The following SIPA1L3 variants were observed in gnomAD, a reference collection of about 807,000 sequenced individuals.
SIPA1L3 encodes the protein signal induced proliferation associated 1 like 3.
A neutral mutation model predicts 150.1 loss-of-function variants in SIPA1L3; 59 were observed. The ratio of observed to expected loss-of-function variants is 0.39; its 90% CI spans 0.32 to 0.49. SIPA1L3 has a LOEUF of 0.49. Among genes scored for constraint, SIPA1L3 ranks in the 20% least tolerant of loss-of-function variants. The pLI, the probability that SIPA1L3 is intolerant of heterozygous loss-of-function variation, is 0.86. For missense variants in SIPA1L3, 2,211 were observed against 2,489.5 expected, an observed-to-expected ratio of 0.89 and a Z score of 2.38; for synonymous variants, 1,070 against 1,077.6, an observed-to-expected ratio of 0.99 and a Z score of 0.14.
chr19:38,084,155 A>G lies in SIPA1L3; in HGVS notation c.1534+1056A>G, dbSNP rs902802948. ...ATGGTCAGCCTTAGTGCATGGCATGATCCCCCACTGCTCCACACCAAGATG... is the reference window on the plus strand; with the variant it reads ...ATGGTCAGCCTTAGTGCATGGCATGGTCCCCCACTGCTCCACACCAAGATG... On this transcript the variant is annotated intron_variant, in intron 3 of 21. Coordinates refer to ENST00000222345, the MANE Select transcript of SIPA1L3 (RefSeq NM_015073.3). Among the ~76,000 whole-genome samples the G allele has an allele frequency of 2.0e-5, 3 of 152,070 alleles. No homozygotes were observed. The East Asian group carries it at 5.8e-4, about 29-fold the overall frequency.
intron 1 of SIPA1L3, among the ~76,000 whole-genome samples, chr19:37,939,744 G>A (rs2046636061): frequency 6.6e-6 from 1 of 152,234 alleles, no homozygotes; most frequent in Non-Finnish European, 1.5e-5. Flanking sequence ...GGGAACCTGG[G>A]AAATGTAGTT....
At chr19:38,160,768 ACT>A (rs1339305467) in intron 13 of SIPA1L3, among the ~76,000 whole-genome samples, 3 of 152,210 alleles carry the variant, frequency 2.0e-5, no homozygotes, top group Middle Eastern at 3.4e-3. Context: ...CACCAGTAGC[ACT>A]CTCTGTCCCA....
chr19:37,922,737 C>T (rs1331534949), intron 1 of SIPA1L3, among the ~76,000 whole-genome samples: 1 of 151,936 alleles, frequency 6.6e-6, no homozygotes, highest in South Asian at 2.1e-4. Context: ...GAGCACTGTT[C>T]TAGATACCAG....
chr19:38,101,241 G>A lies in SIPA1L3; in HGVS notation c.2029+15G>A, dbSNP rs1452283880. The A allele has an allele frequency of 2.7e-6, 4 of 1,505,586 alleles. No individual in the cohort carries two copies. The highest frequency in any genetic ancestry group is 2.2e-5 in the Admixed American group (1 of 45,556). The allele number at this position is 1,505,586 out of a possible 1,614,324, so 93.3% of individuals were successfully genotyped here. On this transcript the variant is annotated intron_variant, in intron 6 of 21. Transcript: ENST00000222345. ...GGACGTCAAGAGTAAGTAGGGGGCC[G>A]GTTAGATCACAGTGAGCCACCACTG... is the stretch of plus-strand genomic sequence containing the variant.
At chr19:37,918,365 C>G (rs1372136606) in intron 1 of SIPA1L3, among the ~76,000 whole-genome samples, 2 of 151,734 alleles carry the variant, frequency 1.3e-5, no homozygotes, top group East Asian at 4.0e-4. Context: ...GTTCAAGTGA[C>G]TCTCCTGCCT....
intron 1 of SIPA1L3, among the ~76,000 whole-genome samples, chr19:37,938,747 C>G (rs1010359190): frequency 4.6e-5 from 7 of 151,508 alleles, no homozygotes; most frequent in Non-Finnish European, 7.4e-5. Context: ...CTCAGCCTCA[C>G]GAGTAGTTGG....
At chr19:38,197,844 C>T (rs1469214632) in intron 18 of SIPA1L3, among the ~76,000 whole-genome samples, 1 of 151,978 alleles carries the variant, frequency 6.6e-6, no homozygotes, top group Admixed American at 6.6e-5. Flanking sequence ...ATGGTTACAG[C>T]TCCTACCTGC....
intron 1 of SIPA1L3, among the ~76,000 whole-genome samples, chr19:37,954,652 C>T (rs188562600): frequency 4.6e-5 from 7 of 152,232 alleles, no homozygotes; most frequent in Admixed American, 2.6e-4. Flanking sequence ...CACATCCAAG[C>T]GTGAAGCCTC....
rs770442978 is a variant in SIPA1L3 at position 38,110,287 on chromosome 19, G to A, written c.2194G>A (p.Ala732Thr). The A allele has an allele frequency of 1.2e-5, 20 of 1,613,990 alleles. No homozygotes were observed. Among genetic ancestry groups the A allele is most frequent in the Non-Finnish European group, 1.6e-5 (19 of 1,180,020 alleles). The change falls in exon 8 of 22, where the codon GCG becomes ACG. Residue 732 changes from alanine (A) to threonine (T), a missense_variant. Ala to Thr is a moderately conservative substitution (Grantham distance 58, BLOSUM62 0). Transcript: ENST00000222345. ...IVTIIFQEPGALPFTPKNIRS... is the reference protein window; with the variant it reads ...IVTIIFQEPGTLPFTPKNIRS... ...GACGATCATCTTCCAGGAGCCTGGC[G>A]CGCTACCGTTCACCCCCAAGAACAT...
At chr19:37,942,533 G>C (rs1338023061) in intron 1 of SIPA1L3, among the ~76,000 whole-genome samples, 1 of 137,804 alleles carries the variant, frequency 7.3e-6, no homozygotes, top group African/African-American at 2.7e-5. Flanking sequence ...GGGTGGGAAG[G>C]AGGGGGAGGG....
At chr19:38,096,609 T>C (rs550784504) in intron 4 of SIPA1L3, among the ~76,000 whole-genome samples, 78 of 152,140 alleles carry the variant, frequency 5.1e-4, no homozygotes, top group African/African-American at 1.8e-3. Flanking sequence ...ACAAGCCCCC[T>C]GGAGAGGGAT....
intron 20 of SIPA1L3, 63 bp from the exon 21 acceptor site, chr19:38,204,064 G>A (rs1200449721): frequency 7.4e-7 from 1 of 1,354,420 alleles, no homozygotes; most frequent in Non-Finnish European, 1.0e-6. Flanking sequence ...CCTCAGATGT[G>A]GGCCAGAAGC....
At chr19:37,925,355 T>G (rs2046493924) in intron 1 of SIPA1L3, among the ~76,000 whole-genome samples, 1 of 152,012 alleles carries the variant, frequency 6.6e-6, no homozygotes, top group Non-Finnish European at 1.5e-5. Context: ...GATGGCCTCC[T>G]TGGGAAAGTG....
At chr19:38,013,041 G>C (rs2145683972) in intron 1 of SIPA1L3, among the ~76,000 whole-genome samples, 2 of 152,286 alleles carry the variant, frequency 1.3e-5, no homozygotes, top group Middle Eastern at 3.4e-3. Flanking sequence ...GGGCATCTGG[G>C]GGACTCTAGT....
intron 13 of SIPA1L3, among the ~76,000 whole-genome samples, chr19:38,158,136 G>C (rs1379490995): frequency 1.3e-5 from 2 of 152,098 alleles, no homozygotes; most frequent in African/African-American, 4.8e-5. Flanking sequence ...GGGAGGCTGA[G>C]GCAGGAGAAT....
chr19:38,189,611 C>T (rs905980888), intron 16 of SIPA1L3, among the ~76,000 whole-genome samples: 3 of 151,934 alleles, frequency 2.0e-5, no homozygotes, highest in African/African-American at 7.3e-5. Flanking sequence ...ACTAAAAATA[C>T]AAAAATTAGC....
chr19:38,192,385 G>A (rs1164316533), intron 17 of SIPA1L3, 75 bp downstream of exon 17: 3 of 1,384,834 alleles, frequency 2.2e-6, no homozygotes, highest in Non-Finnish European at 2.0e-6. Flanking sequence ...GCAAGGAGAA[G>A]GGCTGTGCTC....
intron 1 of SIPA1L3, among the ~76,000 whole-genome samples, chr19:38,013,600 C>T (rs1047917428): frequency 3.9e-5 from 6 of 152,204 alleles, no homozygotes; most frequent in Admixed American, 3.9e-4. Flanking sequence ...TGCAGTTCTG[C>T]ACCTTCACCT....
In SIPA1L3 at chr19:38,065,670, C is replaced by CCTTG. The variant is rs1969557537; in HGVS notation, c.-310-15585_-310-15582dup. On this transcript the variant is annotated intron_variant, in intron 2 of 21. Transcript: ENST00000222345. Reference sequence around the variant, plus strand: ...CTCCCGACCTCAGGTGATCCACCCGCCTTGGCCTCCCAAAGTGCTGGGATT... The same window carrying CCTTG: ...CTCCCGACCTCAGGTGATCCACCCGCCTTGCTTGGCCTCCCAAAGTGCTGGGATT... 2.0e-5 allele frequency among the ~76,000 whole-genome samples: 3 copies of CCTTG among 152,050 alleles called. No homozygotes were observed. The South Asian group carries it at 6.2e-4, about 32-fold the overall frequency.
Sources: gnomAD v4.1 joint callset for allele counts (sites outside exome capture counted in the v4.1 genomes callset) on GRCh38, gnomAD v4.1.1 for gene constraint, MANE v1.5 for transcripts, NCBI Gene and HGNC (gene_info 2026-07-23, HGNC 2026-07-21) for gene names.